Variants in CAPN1 observed in about 807,000 individuals in gnomAD.
CAPN1 encodes calpain 1.
Under a neutral mutation model 105.2 loss-of-function variants are expected in CAPN1, and 77 were observed. That is an observed-to-expected ratio of 0.73 (90% CI 0.61 to 0.88). The LOEUF is 0.88. CAPN1 is among the 40% of genes least tolerant of loss of function. The pLI is 0.00. For synonymous variants in CAPN1, 355 were observed against 388.8 expected, an observed-to-expected ratio of 0.91 and a Z score of 1.02; for missense variants, 833 against 976.6, an observed-to-expected ratio of 0.85 and a Z score of 1.96.
intron 1 of CAPN1, chr11:65,182,366 T>C: frequency 3.8e-6 from 1 of 265,492 alleles, no homozygotes. Context: ...CCTTCCCTGC[T>C]GTGTCCCACC....
At chr11:65,204,169 C>G (rs1948914461) in intron 10 of CAPN1, among the ~76,000 whole-genome samples, 2 of 152,170 alleles carry the variant, frequency 1.3e-5, no homozygotes, top group Non-Finnish European at 2.9e-5. Context: ...TGCCTCCTCG[C>G]TGCAAGCTGT....
At chr11:65,202,953 T>C (rs1272509955) in intron 10 of CAPN1, among the ~76,000 whole-genome samples, 1 of 152,162 alleles carries the variant, frequency 6.6e-6, no homozygotes, top group Non-Finnish European at 1.5e-5. Context: ...ATTTGCCTAC[T>C]GGGATATTTC....
chr11:65,189,353 G>C (rs1948687898), intron 10 of CAPN1, among the ~76,000 whole-genome samples: 1 of 152,060 alleles, frequency 6.6e-6, no homozygotes, highest in African/African-American at 2.4e-5. Flanking sequence ...CTTTCCCTGG[G>C]CTTCTAGATC....
chr11:65,202,351 T>G (rs1045396055), intron 10 of CAPN1, among the ~76,000 whole-genome samples: 1 of 152,226 alleles, frequency 6.6e-6, no homozygotes, highest in African/African-American at 2.4e-5. Context: ...ACCATACAAG[T>G]CACCTATTTA....
Position 65,208,527 on chromosome 11 carries a change from C to T in CAPN1, c.1729+265C>T. On this transcript the variant is annotated intron_variant, in intron 16 of 21. Coordinates refer to ENST00000279247, the MANE Select transcript of CAPN1 (RefSeq NM_005186.4). The surrounding 1 kb of genome is among the most constrained non-coding windows in gnomAD (Gnocchi z 4.1). ...AGGCACAGTGGCTCACACCTGTAGT[C>T]CCAACACTCTGGGAGGCCGAGGCAG... 1.8e-6 allele frequency: 1 copy of T among 550,834 alleles called. No individual in the cohort carries two copies. The highest frequency in any genetic ancestry group is 3.3e-6 in the Non-Finnish European group (1 of 305,016). 34.1% of individuals were successfully genotyped at this position (550,834 alleles called of 1,614,324 possible).
Position 65,204,728 on chromosome 11 carries a change from C to G in CAPN1, c.1211C>G (p.Thr404Arg). The part of the protein sequence containing the change: ...NPQFKIRLDE[T>R]DDPDDYGDRE... ...CAGTTCAAGATCCGGCTGGATGAGA[C>G]GGATGACCCGGACGACTACGGGGAC... The change falls in exon 11 of 22, where the codon ACG becomes AGG. Residue 404 changes from threonine to arginine, a missense_variant. Thr to Arg is a moderately conservative substitution (Grantham distance 71, BLOSUM62 -1). Transcript: ENST00000279247. The G allele has an allele frequency of 1.9e-6, 3 of 1,613,158 alleles. No individual in the cohort carries two copies. Among genetic ancestry groups the G allele is most frequent in the Non-Finnish European group, 1.7e-6 (2 of 1,179,804 alleles).
chr11:65,195,502 T>C (rs1948781854), intron 10 of CAPN1, among the ~76,000 whole-genome samples: 1 of 152,208 alleles, frequency 6.6e-6, no homozygotes, highest in South Asian at 2.1e-4. Context: ...GAGGTTTTTT[T>C]CCCCTTCATT....
intron 10 of CAPN1, among the ~76,000 whole-genome samples, chr11:65,203,198 C>CT (rs1555010058): frequency 6.0e-5 from 9 of 149,864 alleles, no homozygotes; most frequent in South Asian, 2.1e-4. Context: ...AACATTCTCT[C>CT]TTTTTTTTTT....
chr11:65,184,610 G>A (rs915356967), intron 4 of CAPN1, among the ~76,000 whole-genome samples: 1 of 151,932 alleles, frequency 6.6e-6, no homozygotes, highest in African/African-American at 2.4e-5. Context: ...CAGAAACAAA[G>A]CCCGTGATTG....
At chr11:65,191,194 TA>T (rs2137335449) in intron 10 of CAPN1, among the ~76,000 whole-genome samples, 1 of 152,336 alleles carries the variant, frequency 6.6e-6, no homozygotes, top group East Asian at 1.9e-4. Flanking sequence ...TTTTGGCCTT[TA>T]ATGTCTTTCA....
At position 65,211,182 on chromosome 11, in the gene CAPN1, C is replaced by T. The variant is rs371849931; in HGVS notation, c.2119-78C>T. ...GGCTCCTGAGACGTGGAGTTGGGGG[C>T]TGGACCTGGGGTTTGGGTGGGGAAG... On this transcript the variant is annotated intron_variant, in intron 21 of 21. Transcript: ENST00000279247. 88 of 1,530,272 alleles carry T rather than the reference C, an allele frequency of 5.8e-5. No individual in the cohort carries two copies. The African/African-American group carries it at 1.2e-3, about 21-fold the overall frequency. The allele number at this position is 1,530,272 out of a possible 1,614,324, so 94.8% of individuals were successfully genotyped here.
chr11:65,188,048 G>A lies in CAPN1; in HGVS notation c.929+8G>A. On this transcript the variant is annotated splice_region_variant and intron_variant, in intron 8 of 21. Coordinates refer to ENST00000279247, the MANE Select transcript of CAPN1 (RefSeq NM_005186.4). This position sits in a 1 kb window ranked among gnomAD's most constrained non-coding sequence, Gnocchi z 5.5. ...GGGAGCCTGGAGCGACAGGTGAGGG[G>A]CAGTGGGCACTGTCTGGAGTGCCTT... 6.5e-7 allele frequency: 1 copy of A among 1,547,068 alleles called. No individual in the cohort carries two copies. The highest frequency in any genetic ancestry group is 8.7e-7 in the Non-Finnish European group (1 of 1,143,162).
chr11:65,186,088 TC>T, intron 5 of CAPN1, 38 bp downstream of exon 5: 2 of 1,607,966 alleles, frequency 1.2e-6, no homozygotes, highest in Non-Finnish European at 1.7e-6. Context: ...AGCTTCCAGC[TC>T]CCCCTAGGGG....
chr11:65,206,171 C>G, intron 12 of CAPN1: 1 of 557,548 alleles, frequency 1.8e-6, no homozygotes, highest in East Asian at 3.0e-5. Flanking sequence ...CAGTACCTGA[C>G]CTGGGGAAAG....
intron 6 of CAPN1, among the ~76,000 whole-genome samples, chr11:65,186,673 A>C (rs979754523): frequency 6.6e-6 from 1 of 151,910 alleles, no homozygotes; most frequent in African/African-American, 2.4e-5. Flanking sequence ...TCCTGGTCTC[A>C]GTTCCCACCC....
Position 65,209,381 on chromosome 11 carries a change from C to T in CAPN1, c.1788C>T (p.Leu596=). 6.2e-7 allele frequency: 1 copy of T among 1,613,458 alleles called. No individual in the cohort carries two copies. Among genetic ancestry groups the T allele is most frequent in the South Asian group, 1.1e-5 (1 of 91,014 alleles). ...SLESCRSMVN[L]MDRDGNGKLG... Reference sequence around the variant, plus strand: ...AGTCGTGCCGCAGCATGGTGAACCTCATGGATGTATCCTTCCGTTTGCTTT... The same window carrying T: ...AGTCGTGCCGCAGCATGGTGAACCTTATGGATGTATCCTTCCGTTTGCTTT... Residue 596 remains leucine (L), a synonymous_variant, in exon 17 of 22, where the codon CTC becomes CTT. Coordinates refer to ENST00000279247, the MANE Select transcript of CAPN1 (RefSeq NM_005186.4). This position sits in a 1 kb window ranked among gnomAD's most constrained non-coding sequence, Gnocchi z 4.1.
At position 65,182,767 on chromosome 11, in the gene CAPN1, G is replaced by A. The variant is rs1369044406; in HGVS notation, c.66G>A (p.Arg22=). 4 of 1,581,766 alleles carry A rather than the reference G, an allele frequency of 2.5e-6. No homozygotes were observed. Among genetic ancestry groups the A allele is most frequent in the African/African-American group, 2.7e-5 (2 of 74,098 alleles). ...TGTCAGCCCAAGTGCAGAAGCAGCG[G>A]GCCAGGGAGCTGGGCCTGGGCCGCC... The part of the protein sequence containing the change: ...TGVSAQVQKQ[R]ARELGLGRHE... Residue 22 remains arginine, a synonymous_variant, in exon 2 of 22, where the codon CGG becomes CGA. Transcript: ENST00000279247.
chr11:65,185,754 A>G (rs1948622524), intron 4 of CAPN1, 163 bp from the exon 5 acceptor site: 1 of 663,696 alleles, frequency 1.5e-6, no homozygotes, highest in Admixed American at 3.0e-5. Flanking sequence ...GGTATACCTG[A>G]CCTAGTATAC....
chr11:65,183,473 G>A lies in CAPN1; in HGVS notation c.338-1G>A, dbSNP rs1590847310. On this transcript the variant is annotated splice_acceptor_variant, in intron 3 of 21. Coordinates refer to ENST00000279247, the MANE Select transcript of CAPN1 (RefSeq NM_005186.4). LOFTEE classifies it high-confidence loss of function. ...GCTAATGTGCATCCCTCCTGCCCCA[G>A]GGGACTGCTGGCTCTTGGCGGCCAT... 1 of 1,609,588 alleles carries A rather than the reference G, an allele frequency of 6.2e-7. No individual in the cohort carries two copies. The highest frequency in any genetic ancestry group is 2.2e-5 in the East Asian group (1 of 44,860).
Sources: gnomAD v4.1 joint callset for allele counts (sites outside exome capture counted in the v4.1 genomes callset) on GRCh38, gnomAD v4.1.1 for gene constraint, Gnocchi (gnomAD v3.1) non-coding constraint, MANE v1.5 for transcripts, NCBI Gene and HGNC (gene_info 2026-07-23, HGNC 2026-07-21) for gene names.